Variants in AGBL4 observed in about 807,000 individuals in gnomAD.
The protein encoded by AGBL4 is cytosolic carboxypeptidase 6.
AGBL4 carries 58 observed loss-of-function variants against 66.4 expected under a neutral mutation model. That is an observed-to-expected ratio of 0.87 (90% CI 0.71 to 1.09). The LOEUF (loss-of-function observed/expected upper bound fraction) is 1.09. AGBL4 is among the 50% of genes least tolerant of loss of function. The pLI is 0.00. For missense variants in AGBL4, 579 were observed against 631.0 expected (o/e 0.92, Z 0.88); for synonymous variants, 234 against 222.9 (o/e 1.05, Z -0.44).
intron 6 of AGBL4, among the ~76,000 whole-genome samples, chr1:48,864,618 G>A (rs138082412): frequency 6.6e-6 from 1 of 152,270 alleles, no homozygotes; most frequent in African/African-American, 2.4e-5. Flanking sequence ...TTCAATATAA[G>A]TGAATCTCTA....
intron 3 of AGBL4, among the ~76,000 whole-genome samples, chr1:49,534,111 A>C (rs551269569): frequency 7.4e-6 from 1 of 135,200 alleles, no homozygotes; most frequent in Non-Finnish European, 1.5e-5. Context: ...ATTCCCTTGC[A>C]TGTGTTAGCT....
intron 6 of AGBL4, among the ~76,000 whole-genome samples, chr1:48,706,716 A>T (rs926548767): frequency 6.6e-6 from 1 of 152,256 alleles, no homozygotes; most frequent in Admixed American, 6.5e-5. Context: ...AGCTAACTCC[A>T]TAAATTTTTG....
intron 4 of AGBL4, among the ~76,000 whole-genome samples, chr1:49,171,921 C>T (rs1412571472): frequency 1.3e-5 from 2 of 152,054 alleles, no homozygotes; most frequent in Non-Finnish European, 2.9e-5. Flanking sequence ...TATACCAATC[C>T]CTATTATCAC....
chr1:49,959,169 T>C (rs981909834), intron 1 of AGBL4, among the ~76,000 whole-genome samples: 6 of 151,956 alleles, frequency 3.9e-5, no homozygotes, highest in African/African-American at 1.4e-4. Context: ...ATAGTATTTG[T>C]GGAAATTCAA....
intron 9 of AGBL4, among the ~76,000 whole-genome samples, chr1:48,608,653 C>T (rs1645189545): frequency 6.6e-6 from 1 of 152,058 alleles, no homozygotes; most frequent in Admixed American, 6.6e-5. Context: ...GTTAGAAACA[C>T]ATAACAGAGT....
intron 4 of AGBL4, among the ~76,000 whole-genome samples, chr1:49,166,003 T>G (rs1569900649): frequency 6.6e-6 from 1 of 152,260 alleles, no homozygotes; most frequent in Non-Finnish European, 1.5e-5. Context: ...TTCTGGACCC[T>G]TTCAAGAAGA....
chr1:48,976,767 A>G (rs1306457781), intron 5 of AGBL4, among the ~76,000 whole-genome samples: 1 of 151,984 alleles, frequency 6.6e-6, no homozygotes, highest in Non-Finnish European at 1.5e-5. Flanking sequence ...TAGAGAAACA[A>G]AGGGCTCATT....
At chr1:49,615,194 C>T (rs1488213724) in intron 3 of AGBL4, among the ~76,000 whole-genome samples, 1 of 152,114 alleles carries the variant, frequency 6.6e-6, no homozygotes, top group East Asian at 1.9e-4. Flanking sequence ...AGAAGTTTGG[C>T]TGTATTTCTG....
chr1:49,529,450 A>C (rs951817710), intron 3 of AGBL4, among the ~76,000 whole-genome samples: 4 of 152,102 alleles, frequency 2.6e-5, no homozygotes, highest in African/African-American at 7.2e-5. Context: ...GAGGCCGAGC[A>C]GGCAGATGAC....
At chr1:49,725,044 A>G (rs971098769) in intron 2 of AGBL4, among the ~76,000 whole-genome samples, 10 of 152,076 alleles carry the variant, frequency 6.6e-5, no homozygotes, top group Admixed American at 2.6e-4. Context: ...AGGGGAGGGA[A>G]GAGCAGGAGG....
Position 49,516,086 on chromosome 1 carries a change from G to A in AGBL4, c.282+181227C>T, listed in dbSNP as rs1470426121. Among the ~76,000 whole-genome samples, 4 of 148,366 alleles carry A rather than the reference G, an allele frequency of 2.7e-5. No individual in the cohort carries two copies. The South Asian group carries it at 6.4e-4, about 24-fold the overall frequency. On this transcript the variant is annotated intron_variant, in intron 3 of 13. Transcript: ENST00000371839. ...ACTGCCCCCCCCCACAAAAAAAAAT[G>A]ACTGGCCCAATGGAGGGGGTACTTT...
At chr1:49,734,469 T>C (rs1339457533) in intron 2 of AGBL4, among the ~76,000 whole-genome samples, 2 of 152,066 alleles carry the variant, frequency 1.3e-5, no homozygotes, top group Non-Finnish European at 2.9e-5. Context: ...CTAAGAGCAA[T>C]ATATGAAATT....
chr1:48,897,806 C>CTTA (rs750210531), intron 5 of AGBL4, among the ~76,000 whole-genome samples: 2 of 127,798 alleles, frequency 1.6e-5, no homozygotes, highest in African/African-American at 6.1e-5. Flanking sequence ...CTTTTGCCCA[C>CTTA]TTTTTTTTTT....
At chr1:48,743,289 T>C (rs1437286114) in intron 6 of AGBL4, among the ~76,000 whole-genome samples, 1 of 152,128 alleles carries the variant, frequency 6.6e-6, no homozygotes, top group Non-Finnish European at 1.5e-5. Flanking sequence ...TAAAACACAA[T>C]ACACATTAAG....
Position 49,371,234 on chromosome 1 carries a change from T to C in AGBL4, c.283-125370A>G, listed in dbSNP as rs1038731217. Among the ~76,000 whole-genome samples, 52 of 136,346 alleles carry C rather than the reference T, an allele frequency of 3.8e-4. 1 individual carries two copies. Among genetic ancestry groups the C allele is most frequent in the African/African-American group, 1.5e-3 (50 of 32,800 alleles). 89.4% of individuals were successfully genotyped at this position (136,346 alleles called of 152,430 possible). A position where few individuals can be genotyped will look rare whatever the true frequency, so the allele number is the denominator to read the frequency against. ...GAAGATAGATAGATAGATATATAGA[T>C]AGATAGATAGATAGATACATACATA... On this transcript the variant is annotated intron_variant, in intron 3 of 13. Transcript: ENST00000371839.
At chr1:48,855,846 T>G (rs1044274333) in intron 6 of AGBL4, among the ~76,000 whole-genome samples, 1 of 152,158 alleles carries the variant, frequency 6.6e-6, no homozygotes, top group African/African-American at 2.4e-5. Flanking sequence ...GATCTGGTAA[T>G]TCCATCCCTA....
At chr1:49,462,404 C>T (rs1055365308) in intron 3 of AGBL4, among the ~76,000 whole-genome samples, 4 of 151,704 alleles carry the variant, frequency 2.6e-5, no homozygotes, top group Non-Finnish European at 5.9e-5. Context: ...AGGAACCACA[C>T]TGACCACATT....
At chr1:49,848,778 A>G (rs1646224427) in intron 2 of AGBL4, among the ~76,000 whole-genome samples, 1 of 152,220 alleles carries the variant, frequency 6.6e-6, no homozygotes, top group Admixed American at 6.5e-5. Context: ...CAATGTATCA[A>G]AACTGTGTTT....
chr1:50,019,712 A>G (rs536763478), intron 1 of AGBL4, among the ~76,000 whole-genome samples: 1 of 152,096 alleles, frequency 6.6e-6, no homozygotes, highest in Non-Finnish European at 1.5e-5. Flanking sequence ...ATAACTTGAC[A>G]AAATAGAAAA....
Sources: gnomAD v4.1 joint callset for allele counts (sites outside exome capture counted in the v4.1 genomes callset) on GRCh38, gnomAD v4.1.1 for gene constraint, MANE v1.5 for transcripts, NCBI Gene and HGNC (gene_info 2026-07-23, HGNC 2026-07-21) for gene names.